Variants in INTS4 observed in about 807,000 individuals in gnomAD.
INTS4 encodes the protein integrator complex subunit 4, also known as MSTP093.
In INTS4, 70 loss-of-function variants were observed where a neutral mutation model predicts 119.5. The observed-to-expected ratio is 0.59, with a 90% CI of 0.48 to 0.71. INTS4 has a LOEUF of 0.71. INTS4 is among the 30% of genes least tolerant of loss of function. The probability of loss-of-function intolerance (pLI) is 0.00; values close to 1 mark genes in which losing one functional copy is unlikely to be tolerated. For synonymous variants in INTS4, 316 were observed against 419.6 expected (o/e 0.75, Z 3.02); for missense variants, 867 against 1,173.2 (o/e 0.74, Z 3.81).
intron 7 of INTS4, among the ~76,000 whole-genome samples, chr11:77,957,249 T>C (rs1346825285): frequency 6.6e-6 from 1 of 152,068 alleles, no homozygotes; most frequent in Non-Finnish European, 1.5e-5. Context: ...TTTCAATGTA[T>C]TGAATAAAAG....
At chr11:77,987,396 A>G in intron 2 of INTS4, 2 of 216,264 alleles carry the variant, frequency 9.2e-6, no homozygotes, top group South Asian at 9.3e-5. Context: ...AAAATATTAC[A>G]TATGGAAAGT....
chr11:77,963,267 C>T (rs1368724885), intron 4 of INTS4, among the ~76,000 whole-genome samples: 1 of 148,458 alleles, frequency 6.7e-6, no homozygotes, highest in East Asian at 2.0e-4. Flanking sequence ...TTTATGATGT[C>T]CTTCCCTTAC....
At chr11:77,942,574 A>C (rs1166449808) in intron 8 of INTS4, among the ~76,000 whole-genome samples, 3 of 152,092 alleles carry the variant, frequency 2.0e-5, no homozygotes, top group African/African-American at 7.2e-5. Flanking sequence ...TCTCATCCCC[A>C]TTTTCTAGAT....
intron 5 of INTS4, 28 bp downstream of exon 5, chr11:77,960,925 C>T (rs1565274439): frequency 6.4e-7 from 1 of 1,574,170 alleles, no homozygotes; most frequent in East Asian, 2.3e-5. Flanking sequence ...GAACACTAGC[C>T]CCAACTAGTT....
At chr11:77,877,534 G>A (rs1011505467), downstream of INTS4, among the ~76,000 whole-genome samples, 2 of 152,206 alleles carry the variant, frequency 1.3e-5, no homozygotes, top group African/African-American at 4.8e-5. Flanking sequence ...GAGAGCTGAA[G>A]ATTTGAAGGC....
intron 8 of INTS4, among the ~76,000 whole-genome samples, chr11:77,943,287 A>ATTCT (rs1953972324): frequency 6.6e-6 from 1 of 152,180 alleles, no homozygotes; most frequent in Non-Finnish European, 1.5e-5. Flanking sequence ...TCACCTAAGA[A>ATTCT]TAGGTGAAGC....
chr11:77,890,146 A>G (rs1271881122), intron 21 of INTS4, among the ~76,000 whole-genome samples: 4 of 152,178 alleles, frequency 2.6e-5, no homozygotes, highest in South Asian at 2.1e-4. Context: ...ACTAATGTGG[A>G]AAAAAACAAA....
In INTS4 at chr11:77,896,108, A is replaced by G. The variant is rs1373673193; in HGVS notation, c.2229-1759T>C. On this transcript the variant is annotated intron_variant, in intron 18 of 22. Coordinates refer to ENST00000534064, the MANE Select transcript of INTS4 (RefSeq NM_033547.4). ...CAAGAAAGCACAGAAAACTTTTTTA[A>G]AAATTCTAATCAACAACCTCGGTGA... 2.0e-5 allele frequency among the ~76,000 whole-genome samples: 3 copies of G among 152,338 alleles called. No individual in the cohort carries two copies. The East Asian group carries it at 5.8e-4, about 29-fold the overall frequency.
chr11:77,966,947 C>T (rs1279244359), intron 4 of INTS4, among the ~76,000 whole-genome samples: 3 of 152,150 alleles, frequency 2.0e-5, no homozygotes, highest in Non-Finnish European at 4.4e-5. Flanking sequence ...ACAATGGCTG[C>T]ACTATTTTGC....
chr11:77,935,704 T>C (rs1314437944), intron 10 of INTS4, among the ~76,000 whole-genome samples: 1 of 152,022 alleles, frequency 6.6e-6, no homozygotes, highest in African/African-American at 2.4e-5. Context: ...AAGCCTGGCC[T>C]GGGCAACATG....
chr11:77,900,395 G>A (rs573900541), intron 18 of INTS4, among the ~76,000 whole-genome samples: 15 of 152,118 alleles, frequency 9.9e-5, no homozygotes, highest in African/African-American at 3.1e-4. Flanking sequence ...CACCACACCC[G>A]GCCACATATG....
intron 8 of INTS4, among the ~76,000 whole-genome samples, chr11:77,951,909 A>C: frequency 6.6e-6 from 1 of 152,234 alleles, no homozygotes; most frequent in Non-Finnish European, 1.5e-5. Flanking sequence ...AGACACAGGA[A>C]AAAATGCTCA....
intron 15 of INTS4, among the ~76,000 whole-genome samples, chr11:77,911,325 A>C (rs1953085279): frequency 6.6e-6 from 1 of 152,206 alleles, no homozygotes; most frequent in Admixed American, 6.5e-5. Flanking sequence ...CCCAACTGTG[A>C]AGTGTGAGTT....
chr11:77,946,467 CAGTA>C (rs1377195552), intron 8 of INTS4, among the ~76,000 whole-genome samples: 1 of 152,142 alleles, frequency 6.6e-6, no homozygotes, highest in Non-Finnish European at 1.5e-5. Flanking sequence ...CAAAGGAATA[CAGTA>C]AGTCTCCTGG....
intron 11 of INTS4, among the ~76,000 whole-genome samples, chr11:77,926,568 A>G (rs1953505571): frequency 6.6e-6 from 1 of 152,126 alleles, no homozygotes; most frequent in South Asian, 2.1e-4. Flanking sequence ...GCACTTTGGG[A>G]GGCCAAGGTG....
At chr11:77,942,434 G>T (rs1591085792) in intron 8 of INTS4, among the ~76,000 whole-genome samples, 2 of 152,262 alleles carry the variant, frequency 1.3e-5, no homozygotes, top group East Asian at 3.9e-4. Context: ...AGCCTTATTT[G>T]CCATAGTAAG....
intron 18 of INTS4, among the ~76,000 whole-genome samples, chr11:77,899,313 A>T (rs1204969249): frequency 6.6e-6 from 1 of 152,112 alleles, no homozygotes; most frequent in East Asian, 1.9e-4. Context: ...CCCCTGGAGG[A>T]AAAAAGAAAA....
intron 10 of INTS4, 35 bp downstream of exon 10, chr11:77,938,616 A>AT (rs1480568931): frequency 6.3e-7 from 1 of 1,593,670 alleles, no homozygotes; most frequent in Non-Finnish European, 8.6e-7. Flanking sequence ...GCAGTCACTT[A>AT]AAGAGTGCTA....
At chr11:77,963,876 G>C (rs1315883649) in intron 4 of INTS4, among the ~76,000 whole-genome samples, 1 of 152,270 alleles carries the variant, frequency 6.6e-6, no homozygotes, top group African/African-American at 2.4e-5. Context: ...GTAGAGATGG[G>C]ATGTTGCCAC....
Sources: allele counts gnomAD v4.1 joint callset (sites outside exome capture counted in the v4.1 genomes callset), GRCh38; gene constraint gnomAD v4.1.1; transcripts MANE v1.5; gene names NCBI Gene and HGNC (gene_info 2026-07-23, HGNC 2026-07-21).